The following FHAD1 variants were observed in gnomAD, a reference collection of about 807,000 sequenced individuals.
FHAD1 encodes forkhead associated phosphopeptide binding domain 1, also known as forkhead-associated domain-containing protein 1.
A neutral mutation model predicts 191.3 loss-of-function variants in FHAD1; 146 were observed. The observed-to-expected ratio is 0.76, with a 90% CI of 0.67 to 0.88. The LOEUF is 0.88. Ranked by LOEUF, FHAD1 falls within the 40% of genes least tolerant of loss-of-function variation. FHAD1 has a pLI of 0.00. For missense variants in FHAD1, 1,635 were observed against 1,785.8 expected, an observed-to-expected ratio of 0.92 and a Z score of 1.52; for synonymous variants, 616 against 672.3, an observed-to-expected ratio of 0.92 and a Z score of 1.29.
At chr1:15,332,441 C>T (rs1265676431) in intron 14 of FHAD1, among the ~76,000 whole-genome samples, 1 of 152,098 alleles carries the variant, frequency 6.6e-6, no homozygotes, top group African/African-American at 2.4e-5. Context: ...GGTGTAGTGG[C>T]TCATGCCTGT....
chr1:15,241,179 G>A (rs142057510), intron 1 of FHAD1, among the ~76,000 whole-genome samples: 15 of 152,204 alleles, frequency 9.9e-5, no homozygotes, highest in African/African-American at 3.4e-4. Flanking sequence ...AGTTTGTTAA[G>A]CAGCAATTGA....
rs1236829595 is a variant in FHAD1 at position 15,329,754 on chromosome 1, T to G, written c.1906+213T>G. The G allele has an allele frequency of 1.0e-5, 5 of 498,580 alleles. No individual in the cohort carries two copies. In the East Asian group the frequency reaches 1.5e-4, roughly 15 times the overall value. The allele number at this position is 498,580 out of a possible 1,614,324, so 30.9% of individuals were successfully genotyped here. A position where few individuals can be genotyped will look rare whatever the true frequency, so the allele number is the denominator to read the frequency against. ...GTGAGACACGATAACTGAAGAAAAA[T>G]GAAACAAAACAGAGGCAAAAGGAAA... On this transcript the variant is annotated intron_variant, in intron 14 of 33. Transcript: ENST00000688493. This position sits in a 1 kb window ranked among gnomAD's most constrained non-coding sequence, Gnocchi z 5.0.
chr1:15,350,701 C>T (rs531596336), intron 19 of FHAD1, among the ~76,000 whole-genome samples: 169 of 152,302 alleles, frequency 1.1e-3, no homozygotes, highest in Non-Finnish European at 1.9e-3. Flanking sequence ...GTGGCAGAAC[C>T]GCCCTAGAGG....
rs895159284 is a variant in FHAD1 at position 15,346,849 on chromosome 1, G to A, written c.2346+1326G>A. On this transcript the variant is annotated intron_variant, in intron 18 of 33. Coordinates refer to ENST00000688493, the MANE Select transcript of FHAD1 (RefSeq NM_001391957.1). ...TACCGCTGCCTCCCTTCTCGAAGGG[G>A]CGGCTGTGGGCTCAGATCTAGTGTA... 5.3e-5 allele frequency among the ~76,000 whole-genome samples: 8 copies of A among 152,230 alleles called. No homozygotes were observed. The East Asian group carries it at 5.8e-4, about 11-fold the overall frequency.
At chr1:15,357,541 T>C (rs1022914941) in intron 20 of FHAD1, among the ~76,000 whole-genome samples, 1 of 150,398 alleles carries the variant, frequency 6.6e-6, no homozygotes, top group Non-Finnish European at 1.5e-5. Flanking sequence ...GTGAATCGCT[T>C]GAACCTGGGA....
Position 15,311,566 on chromosome 1 carries a change from G to A in FHAD1, c.1040-1491G>A, listed in dbSNP as rs762973316. ...TTCTAAGGAACTTAACTGTGTCCCC[G>A]GACGAAGCTCATTTTTACAATGAAA... On this transcript the variant is annotated intron_variant, in intron 7 of 33. Transcript: ENST00000688493. This position sits in a 1 kb window ranked among gnomAD's most constrained non-coding sequence, Gnocchi z 4.1. Among the ~76,000 whole-genome samples, 11 of 152,122 alleles carry A rather than the reference G, an allele frequency of 7.2e-5. No homozygotes were observed. Among genetic ancestry groups the A allele is most frequent in the Non-Finnish European group, 1.3e-4 (9 of 68,010 alleles).
At chr1:15,394,828 G>T (rs1477634089) in intron 33 of FHAD1, among the ~76,000 whole-genome samples, 1 of 152,120 alleles carries the variant, frequency 6.6e-6, no homozygotes, top group Non-Finnish European at 1.5e-5. Flanking sequence ...GAAGGCTGGG[G>T]GCAAAGCTTT....
intron 8 of FHAD1, chr1:15,315,070 A>G (rs1673897380): frequency 6.6e-6 from 1 of 151,934 alleles, no homozygotes; most frequent in Admixed American, 6.6e-5. Flanking sequence ...TCCAGGCCGC[A>G]CCTGGCGTTC....
intron 2 of FHAD1, among the ~76,000 whole-genome samples, chr1:15,256,911 T>A (rs1648460595): frequency 6.6e-6 from 1 of 152,086 alleles, no homozygotes; most frequent in Admixed American, 6.6e-5. Flanking sequence ...GACTCCTTTC[T>A]CTCTAGGGGA....
intron 20 of FHAD1, among the ~76,000 whole-genome samples, chr1:15,356,443 C>G (rs545186464): frequency 1.3e-5 from 2 of 152,206 alleles, no homozygotes; most frequent in Non-Finnish European, 2.9e-5. Flanking sequence ...AAGGAGTCAT[C>G]TCTGGCGTGG....
intron 13 of FHAD1, 32 bp downstream of exon 13, chr1:15,328,461 C>T: frequency 7.3e-7 from 1 of 1,367,794 alleles, no homozygotes; most frequent in South Asian, 1.9e-5. Context: ...CACAAATGGT[C>T]TCTTTGTCTA....
chr1:15,392,487 G>A (rs1165206468), intron 33 of FHAD1, among the ~76,000 whole-genome samples: 2 of 152,036 alleles, frequency 1.3e-5, no homozygotes, highest in Non-Finnish European at 2.9e-5. Context: ...AGCCGAGATT[G>A]CGCCACTGCA....
rs902720384 is a variant in FHAD1 at position 15,272,332 on chromosome 1, A to G, written c.103A>G (p.Ile35Val). Residue 35 changes from isoleucine (I) to valine (V), a missense_variant, in exon 3 of 34, where the codon ATC becomes GTC. Ile to Val is a conservative substitution (Grantham distance 29). Transcript: ENST00000688493. The part of the protein sequence containing the change: ...NSDLVLQSPD[I>V]DNHHALIEYN... ...TCCTTCTCCGTTGCAGTCTCCTGAC[A>G]TCGACAACCACCATGCACTCATTGA... 3 of 1,549,984 alleles carry G rather than the reference A, an allele frequency of 1.9e-6. No homozygotes were observed. The highest frequency in any genetic ancestry group is 2.4e-5 in the East Asian group (1 of 40,856).
At position 15,382,213 on chromosome 1, in the gene FHAD1, G is replaced by A. The variant is rs1293572515; in HGVS notation, c.4188+20G>A. The A allele has an allele frequency of 6.5e-7, 1 of 1,548,664 alleles. No individual in the cohort carries two copies. The highest frequency in any genetic ancestry group is 1.2e-5 in the South Asian group (1 of 83,924). ...CAGAAGGTGAGGCGCTGCTGCCCAG[G>A]GCAGAACCTCCCAGGCTGCCCTGCA... On this transcript the variant is annotated intron_variant, in intron 31 of 33. Transcript: ENST00000688493.
At chr1:15,353,969 A>G (rs979556821) in intron 20 of FHAD1, among the ~76,000 whole-genome samples, 1 of 152,184 alleles carries the variant, frequency 6.6e-6, no homozygotes, top group Admixed American at 6.5e-5. Context: ...GAGTCCCAGC[A>G]GTACAAAACA....
intron 20 of FHAD1, among the ~76,000 whole-genome samples, chr1:15,357,588 G>T (rs149236449): frequency 6.3e-5 from 9 of 143,504 alleles, no homozygotes; most frequent in Non-Finnish European, 7.5e-5. Flanking sequence ...GCACCGTTGC[G>T]CTCCAGCCCA....
chr1:15,285,402 A>G (rs1336477621), intron 3 of FHAD1, among the ~76,000 whole-genome samples: 2 of 152,156 alleles, frequency 1.3e-5, no homozygotes, highest in African/African-American at 4.8e-5. Flanking sequence ...GCGTGGTGGC[A>G]CATGCCTATA....
chr1:15,263,615 G>A (rs1008803691), intron 2 of FHAD1, among the ~76,000 whole-genome samples: 2 of 147,062 alleles, frequency 1.4e-5, no homozygotes, highest in Admixed American at 7.1e-5. Context: ...TCCGCCTCAC[G>A]GGTTCATGCC....
At chr1:15,251,468 C>G (rs1317048713) in intron 1 of FHAD1, among the ~76,000 whole-genome samples, 2 of 152,132 alleles carry the variant, frequency 1.3e-5, no homozygotes, top group Non-Finnish European at 2.9e-5. Flanking sequence ...ATCACTGGAA[C>G]TCAGATTTGT....
Sources: gnomAD v4.1 joint callset for allele counts (sites outside exome capture counted in the v4.1 genomes callset) on GRCh38, gnomAD v4.1.1 for gene constraint, Gnocchi (gnomAD v3.1) non-coding constraint, MANE v1.5 for transcripts, NCBI Gene and HGNC (gene_info 2026-07-23, HGNC 2026-07-21) for gene names.